Variants in PFKFB3 observed in about 807,000 individuals in gnomAD.
PFKFB3 encodes 6-phosphofructo-2-kinase/fructose-2,6-bisphosphatase 3.
A neutral mutation model predicts 68.0 loss-of-function variants in PFKFB3; 33 were observed. The observed-to-expected ratio is 0.49, with a 90% CI of 0.37 to 0.65. PFKFB3 has a LOEUF of 0.65. PFKFB3 is among the 30% of genes least tolerant of loss of function. PFKFB3 has a pLI of 0.00. For missense variants in PFKFB3, 586 were observed against 712.2 expected (o/e 0.82, Z 2.02); for synonymous variants, 315 against 288.2 (o/e 1.09, Z -0.94).
In PFKFB3 at chr10:6,177,353, TC is replaced by T. The variant is rs374604051; in HGVS notation, c.16+32341del. Reference sequence around the variant, plus strand: ...AGTTTGTGGGATGTTTCTTTTCTTTTCTCTTTCTTTCTTTCTTTCTTTCTTT... The same window carrying T: ...AGTTTGTGGGATGTTTCTTTTCTTTTTCTTTCTTTCTTTCTTTCTTTCTTT... On this transcript the variant is annotated intron_variant, in intron 1 of 14. Coordinates refer to the PFKFB3 transcript ENST00000379789. Among the ~76,000 whole-genome samples, 1,076 of 138,076 alleles carry T rather than the reference TC, an allele frequency of 7.8e-3. 66 individuals carry two copies. In the East Asian group the frequency reaches 0.079, roughly 10 times the overall value. The allele number at this position is 138,076 out of a possible 152,430, so 90.6% of individuals were successfully genotyped here.
At chr10:6,218,860 G>GC (rs1274962671) in intron 6 of PFKFB3, among the ~76,000 whole-genome samples, 27 of 152,232 alleles carry the variant, frequency 1.8e-4, no homozygotes, top group South Asian at 2.1e-4. Flanking sequence ...CACAGGCACA[G>GC]CTCCCGACTG....
chr10:6,295,943 A>G, the PFKFB3 span, among the ~76,000 whole-genome samples: 1 of 152,230 alleles, frequency 6.6e-6, no homozygotes, highest in East Asian at 1.9e-4. Context: ...AAGCTAGTTT[A>G]CACTGAGCCT....
intron 1 of PFKFB3, among the ~76,000 whole-genome samples, chr10:6,176,350 G>A (rs978776971): frequency 1.3e-5 from 2 of 152,204 alleles, no homozygotes; most frequent in Admixed American, 6.5e-5. Context: ...GCATAGGCAT[G>A]CTTTCCTGTG....
intron 1 of PFKFB3, among the ~76,000 whole-genome samples, chr10:6,209,985 C>G (rs1250610391): frequency 6.6e-6 from 1 of 150,598 alleles, no homozygotes; most frequent in Non-Finnish European, 1.5e-5. Context: ...ATCTCCTGAC[C>G]TTGTGATCCG....
intron 1 of PFKFB3, among the ~76,000 whole-genome samples, chr10:6,181,598 T>C (rs1310385076): frequency 6.6e-6 from 1 of 151,708 alleles, no homozygotes; most frequent in Non-Finnish European, 1.5e-5. Flanking sequence ...GGCGGGAGGA[T>C]TGGTTCAGTC....
Position 6,220,538 on chromosome 10 carries a change from T to C in PFKFB3, c.624-120T>C. Reference sequence around the variant, plus strand: ...CCTTAGAAGGATTCAGTCTGTGCCCTGGAGGGGCCTACGGTCCCGCCTTGC... The same window carrying C: ...CCTTAGAAGGATTCAGTCTGTGCCCCGGAGGGGCCTACGGTCCCGCCTTGC... On this transcript the variant is annotated intron_variant, in intron 7 of 14. Coordinates refer to ENST00000379775, the MANE Select transcript of PFKFB3 (RefSeq NM_004566.4). This position sits in a 1 kb window ranked among gnomAD's most constrained non-coding sequence, Gnocchi z 4.1. 1 of 826,156 alleles carries C rather than the reference T, an allele frequency of 1.2e-6. No homozygotes were observed. The allele number at this position is 826,156 out of a possible 1,614,324, so 51.2% of individuals were successfully genotyped here.
chr10:6,215,641 C>T lies in PFKFB3; in HGVS notation c.299+324C>T, dbSNP rs1458698259. Among the ~76,000 whole-genome samples the T allele has an allele frequency of 2.0e-5, 3 of 152,142 alleles. No homozygotes were observed. The highest frequency in any genetic ancestry group is 2.0e-4 in the Admixed American group (3 of 15,286). On this transcript the variant is annotated intron_variant, in intron 3 of 14. Coordinates refer to ENST00000379775, the MANE Select transcript of PFKFB3 (RefSeq NM_004566.4). This position sits in a 1 kb window ranked among gnomAD's most constrained non-coding sequence, Gnocchi z 4.3. Reference sequence around the variant, plus strand: ...GAGCTGACCCTCACTGGGACAGAGCCGCAGAAGCACCCTCACTGAGAATTA... The same window carrying T: ...GAGCTGACCCTCACTGGGACAGAGCTGCAGAAGCACCCTCACTGAGAATTA...
At chr10:6,170,989 G>C (rs1313868209) in intron 1 of PFKFB3, among the ~76,000 whole-genome samples, 2 of 152,152 alleles carry the variant, frequency 1.3e-5, no homozygotes, top group East Asian at 1.9e-4. Flanking sequence ...GGATTACTCC[G>C]TGCAGGAAGG....
chr10:6,246,102 A>T (rs1846252812), intron 14 of PFKFB3, among the ~76,000 whole-genome samples: 1 of 152,048 alleles, frequency 6.6e-6, no homozygotes, highest in African/African-American at 2.4e-5. Flanking sequence ...ATCTCTGGTG[A>T]TGGCCATTCA....
chr10:6,262,998 C>T, the PFKFB3 span, among the ~76,000 whole-genome samples: 9 of 152,272 alleles, frequency 5.9e-5, no homozygotes, highest in African/African-American at 2.2e-4. Flanking sequence ...GACCCTAACC[C>T]AGCAGCGCTA....
rs1564225964 is a variant in PFKFB3, at chr10:6,234,655, AC to A, written c.*1714del. On this transcript the variant is annotated 3_prime_UTR_variant, in exon 15 of 15. Coordinates refer to ENST00000379775, the MANE Select transcript of PFKFB3 (RefSeq NM_004566.4). ...ATCAGAATATGTGGGTAGGGGGTGG[AC>A]GTGCACGGGTGCATGATTGTGCTTA... 6.6e-6 allele frequency: 1 copy of A among 152,152 alleles called. No individual in the cohort carries two copies. The highest frequency in any genetic ancestry group is 2.4e-5 in the African/African-American group (1 of 41,378). The allele number at this position is 152,152 out of a possible 1,614,324, so 9.4% of individuals were successfully genotyped here.
intron 1 of PFKFB3, among the ~76,000 whole-genome samples, chr10:6,175,821 C>A (rs1842448861): frequency 6.6e-6 from 1 of 152,206 alleles, no homozygotes; most frequent in Non-Finnish European, 1.5e-5. Context: ...CTACTCCACA[C>A]CTGTTTTAGT....
chr10:6,270,275 A>G, the PFKFB3 span, among the ~76,000 whole-genome samples: 1 of 152,212 alleles, frequency 6.6e-6, no homozygotes, highest in Non-Finnish European at 1.5e-5. Flanking sequence ...TTCCCTCTCC[A>G]CAAATCTCTC....
chr10:6,222,814 G>T (rs202185617), intron 10 of PFKFB3, 41 bp from the exon 11 acceptor site: 2 of 1,578,824 alleles, frequency 1.3e-6, no homozygotes, highest in South Asian at 1.1e-5. Flanking sequence ...AGCCCCTCCC[G>T]AGTGCCCTGA....
At chr10:6,155,201 T>TCTTC (rs1841732637) in intron 1 of PFKFB3, among the ~76,000 whole-genome samples, 1 of 78,414 alleles carries the variant, frequency 1.3e-5, no homozygotes. Flanking sequence ...TTACGAGTTT[T>TCTTC]TTTCTTTTTT....
the PFKFB3 span, among the ~76,000 whole-genome samples, chr10:6,300,383 A>C: frequency 6.6e-6 from 1 of 152,162 alleles, no homozygotes; most frequent in Admixed American, 6.5e-5. Context: ...TATTTATTGA[A>C]TAGGAATAGG....
the PFKFB3 span, among the ~76,000 whole-genome samples, chr10:6,261,345 G>T: frequency 6.6e-6 from 1 of 152,114 alleles, no homozygotes; most frequent in African/African-American, 2.4e-5. Flanking sequence ...TCCCTTAAAC[G>T]CTGTCTTTGG....
chr10:6,244,334 G>A (rs1417440637), intron 14 of PFKFB3, among the ~76,000 whole-genome samples: 2 of 152,188 alleles, frequency 1.3e-5, no homozygotes, highest in Non-Finnish European at 2.9e-5. Flanking sequence ...CTGTTTCCCA[G>A]GCAGCTTAAC....
the PFKFB3 span, among the ~76,000 whole-genome samples, chr10:6,305,005 A>ATTTTTTT: frequency 5.8e-3 from 84 of 14,528 alleles, 27 homozygotes; most frequent in African/African-American, 8.0e-3. Context: ...AATATTAGGA[A>ATTTTTTT]TTTTTTTTTT....
Sources: gnomAD v4.1 joint callset for allele counts (sites outside exome capture counted in the v4.1 genomes callset) on GRCh38, gnomAD v4.1.1 for gene constraint, Gnocchi (gnomAD v3.1) non-coding constraint, MANE v1.5 for transcripts, NCBI Gene and HGNC (gene_info 2026-07-23, HGNC 2026-07-21) for gene names.